Variants in TLN2 observed in about 807,000 individuals in gnomAD.
TLN2 encodes the protein talin 2.
In TLN2, 118 loss-of-function variants were observed where a neutral mutation model predicts 294.7. That is an observed-to-expected ratio of 0.40 (90% CI 0.34 to 0.47). The LOEUF (loss-of-function observed/expected upper bound fraction) is 0.47. Ranked by LOEUF, TLN2 falls within the 20% of genes least tolerant of loss-of-function variation. TLN2 has a pLI of 0.84. For missense variants in TLN2, 3,083 were observed against 3,282.2 expected (o/e 0.94, Z 1.48); for synonymous variants, 1,431 against 1,304.5 (o/e 1.10, Z -2.09).
At chr15:62,601,410 C>T (rs1390160116) in intron 2 of TLN2, among the ~76,000 whole-genome samples, 1 of 152,208 alleles carries the variant, frequency 6.6e-6, no homozygotes, top group Non-Finnish European at 1.5e-5. Flanking sequence ...ATGTTCCTCT[C>T]TTCCTTGTAT....
intron 1 of TLN2, among the ~76,000 whole-genome samples, chr15:62,579,136 G>C (rs2044694304): frequency 6.6e-6 from 1 of 152,146 alleles, no homozygotes; most frequent in Non-Finnish European, 1.5e-5. Flanking sequence ...ACTGAGAAGA[G>C]GAAGTACAGT....
Position 62,768,438 on chromosome 15 carries a change from T to C in TLN2, c.5196+2016T>C, listed in dbSNP as rs139968509. On this transcript the variant is annotated intron_variant, in intron 41 of 58. Coordinates refer to ENST00000636159, the MANE Select transcript of TLN2 (RefSeq NM_015059.3). ...CTTCTGTCTCTTAGATGGACACTTG[T>C]TATTGGATTTAGAGCCCGTCCCGGT... Among the ~76,000 whole-genome samples the C allele has an allele frequency of 7.9e-3, 1,203 of 152,252 alleles. 19 individuals carry two copies. Among genetic ancestry groups the C allele is most frequent in the African/African-American group, 0.027 (1,140 of 41,538 alleles).
intron 1 of TLN2, among the ~76,000 whole-genome samples, chr15:62,466,495 C>G (rs1428570534): frequency 1.3e-5 from 2 of 152,198 alleles, no homozygotes; most frequent in Non-Finnish European, 2.9e-5. Flanking sequence ...GTGTGACAGC[C>G]AAAAACGTCT....
At chr15:62,438,788 C>G (rs1183870509) in intron 1 of TLN2, among the ~76,000 whole-genome samples, 2 of 152,200 alleles carry the variant, frequency 1.3e-5, no homozygotes, top group Non-Finnish European at 2.9e-5. Flanking sequence ...TGGACCAGGA[C>G]AGATGCTCAG....
chr15:62,697,608 T>A, intron 14 of TLN2, 80 bp from the exon 15 acceptor site: 1 of 1,468,870 alleles, frequency 6.8e-7, no homozygotes, highest in Non-Finnish European at 9.2e-7. Context: ...GCAGGGAACA[T>A]ACGTGACATC....
intron 2 of TLN2, among the ~76,000 whole-genome samples, 188 bp downstream of exon 2, chr15:62,589,950 G>A (rs2045953543): frequency 6.6e-6 from 1 of 152,122 alleles, no homozygotes; most frequent in Non-Finnish European, 1.5e-5. Context: ...TTTCCTCCTG[G>A]TAGCTTGGTG....
Position 62,781,211 on chromosome 15 carries a change from C to T in TLN2, c.5586C>T (p.Ser1862=). 1 of 1,614,088 alleles carries T rather than the reference C, an allele frequency of 6.2e-7. No individual in the cohort carries two copies. Among genetic ancestry groups the T allele is most frequent in the Non-Finnish European group, 8.5e-7 (1 of 1,179,982 alleles). ...VDYQTTVVKY[S]KAIAVTAQEM... is the part of the protein sequence containing the mutation. ...ATCAGACGACTGTGGTTAAATACTC[C>T]AAAGCCATTGCGGTGACAGCTCAGG... The change falls in exon 44 of 59, where the codon TCC becomes TCT. Residue 1862 remains serine, a synonymous_variant. Coordinates refer to ENST00000636159, the MANE Select transcript of TLN2 (RefSeq NM_015059.3).
In TLN2 at chr15:62,747,909, T is replaced by A. The variant is rs571773815; in HGVS notation, c.4026-442T>A. ...TTCACTAAGTGGAAGTGGATCATCA[T>A]AAAGGTCTTCATCCTCATATTCGTC... On this transcript the variant is annotated intron_variant, in intron 32 of 58. Coordinates refer to ENST00000636159, the MANE Select transcript of TLN2 (RefSeq NM_015059.3). Among the ~76,000 whole-genome samples the A allele has an allele frequency of 9.2e-5, 14 of 152,254 alleles. No individual in the cohort carries two copies. The South Asian group carries it at 2.9e-3, about 32-fold the overall frequency.
intron 55 of TLN2, 25 bp from the exon 56 acceptor site, chr15:62,835,709 TGGC>T (rs2069459645): frequency 6.2e-7 from 1 of 1,613,912 alleles, no homozygotes; most frequent in Non-Finnish European, 8.5e-7. Context: ...CCTGCCCTCA[TGGC>T]CAATTTCTCG....
intron 1 of TLN2, among the ~76,000 whole-genome samples, chr15:62,521,934 C>G (rs184522682): frequency 6.6e-6 from 1 of 152,118 alleles, no homozygotes; most frequent in Admixed American, 6.5e-5. Flanking sequence ...ATCTTATTGC[C>G]GCAAAGAGTC....
At position 62,448,931 on chromosome 15, in the gene TLN2, A is replaced by G. The variant is rs558005139; in HGVS notation, c.-238+58246A>G. ...CTTCTTTTTTCCTCAGAGAGAGGGC[A>G]TTAGTTGCATAATTTTGCAGGGCAA... On this transcript the variant is annotated intron_variant, in intron 1 of 58. Coordinates refer to ENST00000636159, the MANE Select transcript of TLN2 (RefSeq NM_015059.3). Among the ~76,000 whole-genome samples, 15 of 152,308 alleles carry G rather than the reference A, an allele frequency of 9.8e-5. No individual in the cohort carries two copies. The South Asian group carries it at 3.1e-3, about 32-fold the overall frequency.
chr15:62,508,649 A>G (rs550012289), intron 1 of TLN2, among the ~76,000 whole-genome samples: 4 of 152,274 alleles, frequency 2.6e-5, no homozygotes, highest in Non-Finnish European at 2.9e-5. Flanking sequence ...TAAAAAAGGT[A>G]ATACCTTGGA....
chr15:62,833,805 A>G (rs994522551), intron 55 of TLN2, 176 bp downstream of exon 55: 189 of 866,006 alleles, frequency 2.2e-4, no homozygotes, highest in Middle Eastern at 7.2e-4. Flanking sequence ...GACCAACAGA[A>G]TAAGAGGTTT....
At chr15:62,739,817 G>T (rs1052473549) in intron 31 of TLN2, among the ~76,000 whole-genome samples, 1 of 152,100 alleles carries the variant, frequency 6.6e-6, no homozygotes, top group African/African-American at 2.4e-5. Context: ...TTGGAGGGAG[G>T]GTAGGAGGAG....
intron 1 of TLN2, chr15:62,561,586 C>T (rs140377292): frequency 6.6e-6 from 1 of 152,250 alleles, no homozygotes; most frequent in Non-Finnish European, 1.5e-5. Flanking sequence ...GCCTGACCTT[C>T]CAGTCACAAT....
intron 2 of TLN2, 134 bp from the exon 3 acceptor site, chr15:62,618,217 A>T (rs191158244): frequency 6.6e-6 from 1 of 152,286 alleles, no homozygotes; most frequent in East Asian, 1.9e-4. Flanking sequence ...TTTAGTTTGA[A>T]CATTTTCTCC....
intron 9 of TLN2, among the ~76,000 whole-genome samples, chr15:62,667,026 CAT>C (rs1273569564): frequency 6.6e-6 from 1 of 152,146 alleles, no homozygotes; most frequent in East Asian, 1.9e-4. Context: ...AGTGCAGTGG[CAT>C]GATCTCGGCT....
intron 1 of TLN2, among the ~76,000 whole-genome samples, chr15:62,465,198 G>A (rs900227328): frequency 6.8e-6 from 1 of 146,010 alleles, no homozygotes. Flanking sequence ...AGCAGTATGT[G>A]CTGTTTCCTT....
intron 1 of TLN2, among the ~76,000 whole-genome samples, chr15:62,456,982 A>G (rs1465455756): frequency 2.0e-5 from 3 of 152,172 alleles, no homozygotes; most frequent in Non-Finnish European, 2.9e-5. Context: ...CTCACAAGCT[A>G]CTTTTTACAA....
Sources: gnomAD v4.1 joint callset for allele counts (sites outside exome capture counted in the v4.1 genomes callset) on GRCh38, gnomAD v4.1.1 for gene constraint, MANE v1.5 for transcripts, NCBI Gene and HGNC (gene_info 2026-07-23, HGNC 2026-07-21) for gene names.